The following LOC400499 variants were observed in gnomAD, a reference collection of about 807,000 sequenced individuals.
the LOC400499 span, among the ~76,000 whole-genome samples, chr16:11,458,408 G>A: frequency 2.6e-5 from 4 of 152,074 alleles, no homozygotes; most frequent in African/African-American, 9.7e-5. Flanking sequence ...GGGAGGCTGA[G>A]GCAGGAGAAT....
At chr16:11,391,181 G>T in the LOC400499 span, among the ~76,000 whole-genome samples, 1 of 152,234 alleles carries the variant, frequency 6.6e-6, no homozygotes, top group Non-Finnish European at 1.5e-5. Flanking sequence ...CCTGGCGCTG[G>T]GCAGGGCCTT....
At chr16:11,469,956 T>C in the LOC400499 span, among the ~76,000 whole-genome samples, 103,874 of 145,448 alleles carry the variant, frequency 0.71, 36,930 homozygotes, top group Admixed American at 0.8. Context: ...GGCTGGAGTG[T>C]CAGCGGCATG....
the LOC400499 span, among the ~76,000 whole-genome samples, chr16:11,437,110 G>C: frequency 6.6e-6 from 1 of 152,308 alleles, no homozygotes; most frequent in Non-Finnish European, 1.5e-5. Context: ...TCTGGAAAAA[G>C]GCAAAACCAC....
At chr16:11,374,531 T>C in the LOC400499 span, among the ~76,000 whole-genome samples, 2 of 152,216 alleles carry the variant, frequency 1.3e-5, no homozygotes, top group Non-Finnish European at 2.9e-5. Context: ...ACTTTCTGTC[T>C]CTATGAAACT....
At chr16:11,372,854 C>T in the LOC400499 span, 4 of 272,856 alleles carry the variant, frequency 1.5e-5, no homozygotes, top group Non-Finnish European at 2.2e-5. Context: ...AAAAGGACAA[C>T]TCCCCATCCA....
the LOC400499 span, chr16:11,494,900 C>G: frequency 2.5e-6 from 1 of 397,380 alleles, no homozygotes; most frequent in African/African-American, 2.1e-5. Flanking sequence ...TTGCTCTTTT[C>G]AGGGAACATT....
chr16:11,523,470 A>G, the LOC400499 span: 1 of 398,600 alleles, frequency 2.5e-6, no homozygotes, highest in African/African-American at 2.1e-5. Flanking sequence ...CGAATCTGGA[A>G]TTTCTGAAAT....
chr16:11,465,494 G>C, the LOC400499 span: 1 of 152,118 alleles, frequency 6.6e-6, no homozygotes, highest in African/African-American at 2.4e-5. Flanking sequence ...CACAGTGACA[G>C]GGGCTTCAAA....
At chr16:11,433,699 G>C in the LOC400499 span, among the ~76,000 whole-genome samples, 1 of 151,750 alleles carries the variant, frequency 6.6e-6, no homozygotes, top group East Asian at 1.9e-4. Context: ...GAAGGGGAGA[G>C]GGGCTAGAGG....
the LOC400499 span, chr16:11,515,797 G>A: frequency 2.5e-6 from 1 of 403,740 alleles, no homozygotes; most frequent in South Asian, 1.2e-4. Flanking sequence ...GGGAGGAGGA[G>A]GAGGAAGAGG....
the LOC400499 span, among the ~76,000 whole-genome samples, chr16:11,483,375 A>C: frequency 6.6e-6 from 1 of 152,234 alleles, no homozygotes; most frequent in African/African-American, 2.4e-5. Context: ...CTTTCTTTTT[A>C]ATAGCCAAAC....
the LOC400499 span, among the ~76,000 whole-genome samples, chr16:11,434,509 C>T: frequency 1.3e-5 from 2 of 152,122 alleles, no homozygotes; most frequent in Admixed American, 6.6e-5. Flanking sequence ...AGAGTCAGAA[C>T]CGAGACCATT....
the LOC400499 span, among the ~76,000 whole-genome samples, chr16:11,501,741 C>T: frequency 6.6e-6 from 1 of 152,194 alleles, no homozygotes; most frequent in African/African-American, 2.4e-5. Flanking sequence ...TCCACGCCCC[C>T]AGCAGGAGGG....
At chr16:11,507,530 C>A in the LOC400499 span, among the ~76,000 whole-genome samples, 1 of 152,184 alleles carries the variant, frequency 6.6e-6, no homozygotes, top group Admixed American at 6.5e-5. Context: ...GTTTCCTCAT[C>A]TGTAAAATGG....
the LOC400499 span, chr16:11,398,631 A>C: frequency 1.4e-6 from 1 of 707,584 alleles, no homozygotes. Flanking sequence ...CAGAGCTCTC[A>C]TCAGCCACAG....
the LOC400499 span, among the ~76,000 whole-genome samples, chr16:11,505,470 T>TTTTTTTTTTTTTTTTTTTTTTTTTC: frequency 1.8e-5 from 2 of 112,592 alleles, no homozygotes; most frequent in Non-Finnish European, 3.7e-5. Context: ...TTTTTTTTTT[T>TTTTTTTTTTTTTTTTTTTTTTTTTC]TGGAGAAGAG....
the LOC400499 span, among the ~76,000 whole-genome samples, chr16:11,519,512 G>A: frequency 1.8e-4 from 28 of 152,126 alleles, no homozygotes; most frequent in South Asian, 4.0e-3. Context: ...CAAGGCAGGC[G>A]GATCACTTGA....
At chr16:11,477,711 C>A in the LOC400499 span, 1 of 396,138 alleles carries the variant, frequency 2.5e-6, no homozygotes, top group Admixed American at 4.4e-5. Context: ...AGGTGTTCTG[C>A]AGAATAGGGA....
chr16:11,384,104 C>T, the LOC400499 span: 2 of 1,226,166 alleles, frequency 1.6e-6, no homozygotes, highest in Non-Finnish European at 2.0e-6. Context: ...AAACCCTGGG[C>T]CTACGAAGTC....
Sources: allele counts gnomAD v4.1 joint callset (sites outside exome capture counted in the v4.1 genomes callset), GRCh38; gene constraint gnomAD v4.1.1; transcripts MANE v1.5.